MTERF3: variants seen among roughly 807,000 people sequenced by gnomAD.
The protein encoded by MTERF3 is transcription termination factor 3, mitochondrial.
MTERF3 carries 40 observed loss-of-function variants against 40.5 expected under a neutral mutation model. That is an observed-to-expected ratio of 0.99 (90% CI 0.77 to 1.29). The LOEUF (loss-of-function observed/expected upper bound fraction) is 1.29, where lower values mean the gene tolerates loss of function less well. Among genes scored for constraint, MTERF3 ranks in the 50% most tolerant of loss-of-function variants. MTERF3 has a pLI of 0.00. For missense variants in MTERF3, 452 were observed against 478.2 expected (o/e 0.95, Z 0.51); for synonymous variants, 158 against 166.6 (o/e 0.95, Z 0.40).
At chr8:96,245,032 G>A (rs1270235585) in intron 6 of MTERF3, among the ~76,000 whole-genome samples, 1 of 152,122 alleles carries the variant, frequency 6.6e-6, no homozygotes, top group East Asian at 1.9e-4. Context: ...ATTCCAAGCA[G>A]AGATGAGGAA....
Position 96,245,922 on chromosome 8 carries a change from G to T in MTERF3, c.835C>A (p.Leu279Met), listed in dbSNP as rs1269893515. The T allele has an allele frequency of 6.2e-7, 1 of 1,613,902 alleles. No individual in the cohort carries two copies. Among genetic ancestry groups the T allele is most frequent in the East Asian group, 2.2e-5 (1 of 44,850 alleles). The change falls in exon 6 of 8, where the codon CTG (leucine) becomes ATG (methionine). Residue 279 changes from leucine (L) to methionine (M), a missense_variant. Transcript: ENST00000287025. Reference sequence around the variant, plus strand: ...AGCAGCCTTGGGAGACGAACTACCAGATCTCTAGTCTGTGGTTGCAAACAA... The same window carrying T: ...AGCAGCCTTGGGAGACGAACTACCATATCTCTAGTCTGTGGTTGCAAACAA... ...LELSVKKTRD[L>M]VVRLPRLLTG...
intron 4 of MTERF3, among the ~76,000 whole-genome samples, chr8:96,247,049 T>G (rs2129892307): frequency 6.6e-6 from 1 of 152,272 alleles, no homozygotes; most frequent in African/African-American, 2.4e-5. Flanking sequence ...CTGGGCTCAA[T>G]GCAACCTCCG....
intron 4 of MTERF3, among the ~76,000 whole-genome samples, chr8:96,250,442 GCT>G: frequency 6.8e-6 from 1 of 147,538 alleles, no homozygotes; most frequent in Non-Finnish European, 1.5e-5. Flanking sequence ...AGGCAGGGTG[GCT>G]CATGCCTGTA....
At chr8:96,250,823 CAG>C (rs1810167988) in intron 4 of MTERF3, 81 bp downstream of exon 4, 1 of 1,324,458 alleles carries the variant, frequency 7.6e-7, no homozygotes, top group African/African-American at 1.5e-5. Flanking sequence ...CCTTGTGCAG[CAG>C]AGATTTAAAG....
intron 2 of MTERF3, chr8:96,258,048 TA>T (rs1230895018): frequency 5.7e-6 from 1 of 174,358 alleles, no homozygotes; most frequent in East Asian, 1.9e-4. Context: ...TTTTACTTGA[TA>T]TAATTATACC....
At chr8:96,259,332 T>C (rs1810338488) in intron 1 of MTERF3, among the ~76,000 whole-genome samples, 1 of 152,198 alleles carries the variant, frequency 6.6e-6, no homozygotes, top group Non-Finnish European at 1.5e-5. Flanking sequence ...CAAAGGGAAT[T>C]GAACAAAACC....
At chr8:96,243,786 T>G (rs1809970945) in intron 7 of MTERF3, 133 bp downstream of exon 7, 1 of 942,750 alleles carries the variant, frequency 1.1e-6, no homozygotes, top group Non-Finnish European at 1.6e-6. Context: ...ATCACTGATT[T>G]CTCCTCAGGA....
rs1423469284 is a variant in MTERF3 at position 96,258,416 on chromosome 8, T to C, written c.275A>G (p.Asn92Ser). The change falls in exon 2 of 8, where the codon AAT (asparagine) becomes AGT (serine). Residue 92 changes from asparagine (N) to serine (S), a missense_variant. Transcript: ENST00000287025. ...SAQSSLLPSM[N>S]EQSQKTQNIS... ...ATTTTGTGTCTTCTGTGACTGTTCATTCATGGAAGGAAGCAGACTGCTTTG... is the reference window on the plus strand; with the variant it reads ...ATTTTGTGTCTTCTGTGACTGTTCACTCATGGAAGGAAGCAGACTGCTTTG... The C allele has an allele frequency of 1.2e-6, 2 of 1,614,004 alleles. No individual in the cohort carries two copies. The highest frequency in any genetic ancestry group is 2.2e-5 in the East Asian group (1 of 44,884).
At chr8:96,244,153 GA>G in intron 6 of MTERF3, 73 bp from the exon 7 acceptor site, 2 of 1,324,700 alleles carry the variant, frequency 1.5e-6, no homozygotes, top group Non-Finnish European at 2.1e-6. Flanking sequence ...AGGCTGCACT[GA>G]TTTTTTTTTT....
chr8:96,248,067 T>G (rs1189560382), intron 4 of MTERF3, among the ~76,000 whole-genome samples: 1 of 152,262 alleles, frequency 6.6e-6, no homozygotes, highest in Non-Finnish European at 1.5e-5. Context: ...CAAAGTGTGA[T>G]AGCACTGTAT....
At chr8:96,249,165 G>A (rs920011424) in intron 4 of MTERF3, among the ~76,000 whole-genome samples, 2 of 152,172 alleles carry the variant, frequency 1.3e-5, no homozygotes, top group Non-Finnish European at 2.9e-5. Context: ...TCAGAACCCT[G>A]GAGTTTGATT....
intron 3 of MTERF3, among the ~76,000 whole-genome samples, chr8:96,255,692 C>G (rs1426316658): frequency 6.7e-6 from 1 of 149,890 alleles, no homozygotes; most frequent in Admixed American, 6.7e-5. Context: ...TAACAGAGCA[C>G]AGATTTTTCT....
intron 6 of MTERF3, 34 bp downstream of exon 6, chr8:96,245,826 A>G: frequency 1.3e-6 from 2 of 1,586,204 alleles, no homozygotes; most frequent in Non-Finnish European, 1.7e-6. Flanking sequence ...CACTTAAAGA[A>G]ACTGATTTCT....
chr8:96,242,906 C>T (rs1178693850), intron 7 of MTERF3, among the ~76,000 whole-genome samples: 1 of 152,158 alleles, frequency 6.6e-6, no homozygotes, highest in African/African-American at 2.4e-5. Context: ...TACCCACCAA[C>T]CCAGGGAAAA....
rs1810164371 is a variant in MTERF3, at chr8:96,250,711, G to GGGAGGA, written c.677+194_677+195insTCCTCC. Among the ~76,000 whole-genome samples, 42 of 55,192 alleles carry GGGAGGA rather than the reference G, an allele frequency of 7.6e-4. 12 individuals are homozygous for GGGAGGA. Among genetic ancestry groups the GGGAGGA allele is most frequent in the Non-Finnish European group, 1.3e-3 (33 of 25,364 alleles). The allele number at this position is 55,192 out of a possible 152,430, so 36.2% of individuals were successfully genotyped here. ...GGAGGAGGAGGGGGGGAGGGGGAGG[G>GGGAGGA]GGAGAAGAAGAATGGGTACTTGAAT... On this transcript the variant is annotated intron_variant, in intron 4 of 7. Coordinates refer to ENST00000287025, the MANE Select transcript of MTERF3 (RefSeq NM_015942.5).
rs781218639 is a variant in MTERF3, at chr8:96,257,125, G to C, written c.335-11C>G. The C allele has an allele frequency of 6.2e-6, 10 of 1,608,674 alleles. No individual in the cohort carries two copies. In the South Asian group the frequency reaches 6.7e-5, roughly 11 times the overall value. On this transcript the variant is annotated splice_polypyrimidine_tract_variant and intron_variant, in intron 2 of 7. Coordinates refer to ENST00000287025, the MANE Select transcript of MTERF3 (RefSeq NM_015942.5). ...GCAATTCATCCAGTTCTTTGAAAGA[G>C]AGAAACAAATTAGTGCTCTAATATG...
chr8:96,246,374 A>G lies in MTERF3; in HGVS notation c.758T>C (p.Phe253Ser), dbSNP rs1379387235. The G allele has an allele frequency of 2.2e-5, 36 of 1,612,898 alleles. No individual in the cohort carries two copies. Among genetic ancestry groups the G allele is most frequent in the Non-Finnish European group, 3.1e-5 (36 of 1,179,794 alleles). Residue 253 changes from phenylalanine (F) to serine (S), a missense_variant, in exon 5 of 8, where the codon TTT (phenylalanine) becomes TCT (serine). Physicochemically the swap from Phe to Ser is radical, Grantham distance 155. Coordinates refer to ENST00000287025, the MANE Select transcript of MTERF3 (RefSeq NM_015942.5). ...TCTGTTATCCAGTCTTTCCACTGAAAAGTTCAGCAAAAATGGTGCTTTTCT... is the reference window on the plus strand; with the variant it reads ...TCTGTTATCCAGTCTTTCCACTGAAGAGTTCAGCAAAAATGGTGCTTTTCT... ...MVRKAPFLLN[F>S]SVERLDNRLG...
In MTERF3 at chr8:96,243,905, G is replaced by A. The variant is rs754926654; in HGVS notation, c.1059+14C>T. 1.2e-6 allele frequency: 2 copies of A among 1,612,684 alleles called. No homozygotes were observed. The highest frequency in any genetic ancestry group is 2.2e-5 in the South Asian group (2 of 90,848). Reference sequence around the variant, plus strand: ...AATGGCAGCGCTTACAGAGAGAGCTGTGAGTGGCATTACCTGTGGGAACTT... The same window carrying A: ...AATGGCAGCGCTTACAGAGAGAGCTATGAGTGGCATTACCTGTGGGAACTT... On this transcript the variant is annotated intron_variant, in intron 7 of 7. Coordinates refer to ENST00000287025, the MANE Select transcript of MTERF3 (RefSeq NM_015942.5).
intron 7 of MTERF3, among the ~76,000 whole-genome samples, chr8:96,242,104 A>T (rs1310573351): frequency 6.6e-6 from 1 of 152,220 alleles, no homozygotes. Context: ...TGCCACTGAG[A>T]TTTAAACACC....
Sources: gnomAD v4.1 joint callset for allele counts (sites outside exome capture counted in the v4.1 genomes callset) on GRCh38, gnomAD v4.1.1 for gene constraint, MANE v1.5 for transcripts, NCBI Gene and HGNC (gene_info 2026-07-23, HGNC 2026-07-21) for gene names.